Variants in CACNA2D2 observed in about 807,000 individuals in gnomAD.
CACNA2D2 encodes the protein voltage-dependent calcium channel subunit alpha-2/delta-2.
In CACNA2D2, 48 loss-of-function variants were observed where a neutral mutation model predicts 166.4. That is an observed-to-expected ratio of 0.29 (90% confidence interval 0.23 to 0.37). CACNA2D2 has a LOEUF of 0.37. CACNA2D2 is among the 10% of genes least tolerant of loss of function. The pLI, the probability that CACNA2D2 is intolerant of heterozygous loss-of-function variation, is 1.00. For synonymous variants in CACNA2D2, 561 were observed against 573.7 expected (o/e 0.98, Z 0.32); for missense variants, 1,122 against 1,433.0 (o/e 0.78, Z 3.50).
At chr3:50,388,131 T>C (rs587600950) in intron 4 of CACNA2D2, among the ~76,000 whole-genome samples, 1 of 152,342 alleles carries the variant, frequency 6.6e-6, no homozygotes, top group South Asian at 2.1e-4. Flanking sequence ...AGCCCAGCCC[T>C]GGCGCCTGCC....
intron 1 of CACNA2D2, among the ~76,000 whole-genome samples, chr3:50,492,461 T>C (rs1035447486): frequency 6.6e-6 from 1 of 152,120 alleles, no homozygotes; most frequent in Non-Finnish European, 1.5e-5. Context: ...AAACCCCAGG[T>C]TTGGGTCTAG....
intron 4 of CACNA2D2, among the ~76,000 whole-genome samples, chr3:50,391,934 T>C (rs967764823): frequency 2.6e-5 from 4 of 152,138 alleles, no homozygotes; most frequent in African/African-American, 4.8e-5. Context: ...TGGGGGCCGA[T>C]CTTAGGGTTG....
intron 2 of CACNA2D2, among the ~76,000 whole-genome samples, chr3:50,445,578 A>C (rs1282214565): frequency 6.6e-6 from 1 of 152,210 alleles, no homozygotes; most frequent in Non-Finnish European, 1.5e-5. Context: ...CTGTAGAACA[A>C]GTCGGAAGCA....
intron 2 of CACNA2D2, among the ~76,000 whole-genome samples, chr3:50,445,569 T>C (rs991449498): frequency 2.6e-5 from 4 of 152,226 alleles, no homozygotes; most frequent in Non-Finnish European, 5.9e-5. Flanking sequence ...TTAAGTCTTC[T>C]GTAGAACAAG....
chr3:50,446,023 GCA>G (rs1384073115), intron 2 of CACNA2D2, among the ~76,000 whole-genome samples: 2 of 152,220 alleles, frequency 1.3e-5, no homozygotes, highest in African/African-American at 4.8e-5. Context: ...CCGCATCCGT[GCA>G]CAGTGTTTGC....
chr3:50,393,876 C>G (rs921127713), intron 4 of CACNA2D2, among the ~76,000 whole-genome samples: 9 of 152,230 alleles, frequency 5.9e-5, no homozygotes, highest in Non-Finnish European at 1.2e-4. Flanking sequence ...AGCCTTCCCA[C>G]TCACGGGTGA....
At chr3:50,464,965 G>A (rs1453237725) in intron 2 of CACNA2D2, among the ~76,000 whole-genome samples, 1 of 152,248 alleles carries the variant, frequency 6.6e-6, no homozygotes, top group African/African-American at 2.4e-5. Flanking sequence ...GACTGGGGCT[G>A]GAGCAACCTC....
In CACNA2D2 at chr3:50,367,778, A is replaced by T; in HGVS notation, c.2234+34T>A. On this transcript the variant is annotated intron_variant, in intron 25 of 37. Transcript: ENST00000424201. This position sits in a 1 kb window ranked among gnomAD's most constrained non-coding sequence, Gnocchi z 6.5. ...GGTCCAGGGCCTCTGGGCCCATCCT[A>T]GCCTTCTGCCCCCACAGGCTGGGTG... 2 of 1,612,232 alleles carry T rather than the reference A, an allele frequency of 1.2e-6. No homozygotes were observed. The highest frequency in any genetic ancestry group is 1.7e-6 in the Non-Finnish European group (2 of 1,178,682).
chr3:50,457,322 TCA>T (rs1353283119), intron 2 of CACNA2D2, among the ~76,000 whole-genome samples: 3 of 152,144 alleles, frequency 2.0e-5, no homozygotes, highest in Non-Finnish European at 2.9e-5. Context: ...GTAGTCCAGC[TCA>T]CACAGTCTCT....
chr3:50,480,115 T>C (rs545346733), intron 1 of CACNA2D2, among the ~76,000 whole-genome samples: 2 of 152,102 alleles, frequency 1.3e-5, no homozygotes, highest in East Asian at 1.9e-4. Context: ...GACAAGAAAA[T>C]TGAAGCCCCT....
chr3:50,467,705 G>A (rs889074512), intron 2 of CACNA2D2, among the ~76,000 whole-genome samples: 6 of 152,178 alleles, frequency 3.9e-5, no homozygotes, highest in Non-Finnish European at 5.9e-5. Flanking sequence ...AGACAAGGAG[G>A]GGGTGTGCCT....
At chr3:50,436,760 G>T (rs993300890) in intron 2 of CACNA2D2, among the ~76,000 whole-genome samples, 3 of 152,204 alleles carry the variant, frequency 2.0e-5, no homozygotes, top group Admixed American at 1.3e-4. Flanking sequence ...CTCCCTGCTA[G>T]ATCTGTACAC....
At chr3:50,492,578 C>T (rs764312281) in intron 1 of CACNA2D2, among the ~76,000 whole-genome samples, 2 of 152,236 alleles carry the variant, frequency 1.3e-5, no homozygotes, top group Non-Finnish European at 2.9e-5. Flanking sequence ...TCCCACAGTT[C>T]TCACTGACCC....
intron 1 of CACNA2D2, among the ~76,000 whole-genome samples, chr3:50,497,432 G>C (rs1698769125): frequency 6.6e-6 from 1 of 152,234 alleles, no homozygotes; most frequent in Non-Finnish European, 1.5e-5. Flanking sequence ...CAGCTAGACA[G>C]TCTCCTGGTT....
At chr3:50,443,501 C>T (rs571374903) in intron 2 of CACNA2D2, among the ~76,000 whole-genome samples, 20 of 152,374 alleles carry the variant, frequency 1.3e-4, no homozygotes, top group Admixed American at 1.3e-3. Context: ...TGGCACTGGG[C>T]TTCTCAGACC....
At position 50,384,179 on chromosome 3, in the gene CACNA2D2, T is replaced by C. The variant is rs1559896231; in HGVS notation, c.652+17A>G. 3.1e-6 allele frequency: 5 copies of C among 1,612,752 alleles called. No homozygotes were observed. Among genetic ancestry groups the C allele is most frequent in the Non-Finnish European group, 3.4e-6 (4 of 1,179,096 alleles). ...CAGCAGGTGGGATGGGCTGTCCCGA[T>C]TGCTCTGCACACTCACAGCCTTTGT... On this transcript the variant is annotated intron_variant, in intron 6 of 37. Transcript: ENST00000424201.
In CACNA2D2 at chr3:50,375,895, G is replaced by A. The variant is rs1243466826; in HGVS notation, c.1774-15C>T. On this transcript the variant is annotated splice_polypyrimidine_tract_variant and intron_variant, in intron 19 of 37. Transcript: ENST00000424201. This position sits in a 1 kb window ranked among gnomAD's most constrained non-coding sequence, Gnocchi z 4.0. Reference sequence around the variant, plus strand: ...CTCCGACGGATCTGGAAGGGCCAGAGATGTGAGGGGCAGGGCCCCTACACT... The same window carrying A: ...CTCCGACGGATCTGGAAGGGCCAGAAATGTGAGGGGCAGGGCCCCTACACT... 1.9e-6 allele frequency: 3 copies of A among 1,612,836 alleles called. No homozygotes were observed. Among genetic ancestry groups the A allele is most frequent in the South Asian group, 2.2e-5 (2 of 91,070 alleles).
chr3:50,435,784 C>T (rs72936987), intron 2 of CACNA2D2, among the ~76,000 whole-genome samples: 4,997 of 152,252 alleles, frequency 0.033, 265 homozygotes, highest in African/African-American at 0.11. Flanking sequence ...CCCGGCTTCT[C>T]TTTTCTTTTT....
intron 23 of CACNA2D2, among the ~76,000 whole-genome samples, chr3:50,369,709 G>T (rs1704548231): frequency 2.0e-5 from 3 of 152,238 alleles, no homozygotes; most frequent in Non-Finnish European, 4.4e-5. Flanking sequence ...GTGTACATGA[G>T]AACGTGTGTG....
Sources: gnomAD v4.1 joint callset for allele counts (sites outside exome capture counted in the v4.1 genomes callset) on GRCh38, gnomAD v4.1.1 for gene constraint, Gnocchi (gnomAD v3.1) non-coding constraint, MANE v1.5 for transcripts, NCBI Gene and HGNC (gene_info 2026-07-23, HGNC 2026-07-21) for gene names.